Variants in DENND1A observed in about 807,000 individuals in gnomAD.
DENND1A encodes DENN domain containing 1A.
A neutral mutation model predicts 113.7 loss-of-function variants in DENND1A; 51 were observed. The ratio of observed to expected loss-of-function variants is 0.45; its 90% CI spans 0.36 to 0.57. DENND1A has a LOEUF of 0.57. DENND1A is among the 20% of genes least tolerant of loss of function. DENND1A has a pLI of 0.00. For synonymous variants in DENND1A, 565 were observed against 570.8 expected (o/e 0.99, Z 0.14); for missense variants, 1,258 against 1,395.9 (o/e 0.90, Z 1.57).
chr9:123,863,597 T>TAAA (rs767437542), intron 2 of DENND1A, among the ~76,000 whole-genome samples: 1 of 138,912 alleles, frequency 7.2e-6, no homozygotes, highest in African/African-American at 2.6e-5. Flanking sequence ...TCTAACAAGT[T>TAAA]AAAAAAAAAA....
At chr9:123,570,662 T>TG (rs1274040721) in intron 12 of DENND1A, among the ~76,000 whole-genome samples, 1 of 152,152 alleles carries the variant, frequency 6.6e-6, no homozygotes, top group Non-Finnish European at 1.5e-5. Context: ...ACATAGTAGG[T>TG]GCTCAGGAAA....
intron 2 of DENND1A, among the ~76,000 whole-genome samples, chr9:123,813,947 CTG>C (rs1452981917): frequency 6.6e-6 from 1 of 152,158 alleles, no homozygotes; most frequent in African/African-American, 2.4e-5. Flanking sequence ...AAATGCCTAA[CTG>C]ATACTACTGC....
intron 3 of DENND1A, among the ~76,000 whole-genome samples, chr9:123,775,539 A>ACGG (rs1258350009): frequency 6.6e-6 from 1 of 152,150 alleles, no homozygotes; most frequent in Non-Finnish European, 1.5e-5. Flanking sequence ...GAAAAAAAAA[A>ACGG]GAGCACTGAT....
chr9:123,532,340 A>C (rs750363178), intron 13 of DENND1A, among the ~76,000 whole-genome samples: 11 of 152,254 alleles, frequency 7.2e-5, no homozygotes, highest in Admixed American at 5.2e-4. Flanking sequence ...CAACTGTCCC[A>C]ATAATGACTT....
intron 13 of DENND1A, among the ~76,000 whole-genome samples, chr9:123,546,383 C>A (rs1217293048): frequency 2.0e-5 from 3 of 148,126 alleles, no homozygotes; most frequent in Non-Finnish European, 3.0e-5. Context: ...CCCGTCTCTA[C>A]TAAAAATACA....
At chr9:123,393,721 T>C (rs1456360324) in intron 21 of DENND1A, among the ~76,000 whole-genome samples, 2 of 152,126 alleles carry the variant, frequency 1.3e-5, no homozygotes, top group East Asian at 1.9e-4. Context: ...CTACTGTACA[T>C]AGGAACCTGT....
chr9:123,538,145 G>C (rs1281424195), intron 13 of DENND1A, among the ~76,000 whole-genome samples: 1 of 152,174 alleles, frequency 6.6e-6, no homozygotes, highest in African/African-American at 2.4e-5. Context: ...ATTATTTTTG[G>C]AGATTATGAA....
At chr9:123,772,054 T>G (rs1829812176) in intron 3 of DENND1A, among the ~76,000 whole-genome samples, 1 of 152,150 alleles carries the variant, frequency 6.6e-6, no homozygotes, top group African/African-American at 2.4e-5. Flanking sequence ...TATTCACATA[T>G]TATCGCAATT....
At chr9:123,577,139 T>C (rs889164250) in intron 12 of DENND1A, among the ~76,000 whole-genome samples, 4 of 152,186 alleles carry the variant, frequency 2.6e-5, no homozygotes, top group Non-Finnish European at 4.4e-5. Flanking sequence ...TATTATGCTA[T>C]AGGATCACTG....
intron 21 of DENND1A, chr9:123,400,976 C>T (rs1384558702): frequency 6.6e-6 from 1 of 152,214 alleles, no homozygotes; most frequent in Non-Finnish European, 1.5e-5. Flanking sequence ...TTCCCAAGCA[C>T]TTTGATATTC....
At chr9:123,860,386 AT>A (rs1390365053) in intron 2 of DENND1A, among the ~76,000 whole-genome samples, 1 of 152,170 alleles carries the variant, frequency 6.6e-6, no homozygotes, top group Admixed American at 6.5e-5. Context: ...AATCTGAATG[AT>A]TCCCAGTAAT....
At chr9:123,458,593 T>C (rs2048313819) in intron 13 of DENND1A, among the ~76,000 whole-genome samples, 1 of 152,182 alleles carries the variant, frequency 6.6e-6, no homozygotes, top group African/African-American at 2.4e-5. Flanking sequence ...CCCTCCAATG[T>C]GAAGATTTCT....
intron 13 of DENND1A, among the ~76,000 whole-genome samples, chr9:123,534,908 C>G (rs1052339551): frequency 6.6e-6 from 1 of 152,122 alleles, no homozygotes; most frequent in African/African-American, 2.4e-5. Context: ...TTTTTTCCCC[C>G]CCTTCACTTG....
intron 1 of DENND1A, among the ~76,000 whole-genome samples, chr9:123,899,719 T>G (rs1329355882): frequency 6.6e-6 from 1 of 152,230 alleles, no homozygotes; most frequent in Non-Finnish European, 1.5e-5. Context: ...ATTTGCAACT[T>G]ATATTCCTGC....
chr9:123,621,806 G>A (rs1428604861), intron 10 of DENND1A, among the ~76,000 whole-genome samples: 6 of 152,160 alleles, frequency 3.9e-5, no homozygotes, highest in South Asian at 2.1e-4. Flanking sequence ...TCATGGCACC[G>A]ATGAAGACAG....
Position 123,671,391 on chromosome 9 carries a change from T to G in DENND1A, c.373-20A>C, listed in dbSNP as rs572745728. On this transcript the variant is annotated intron_variant, in intron 6 of 23. Transcript: ENST00000394215. ...ATTTTCCTGAAAGAAATAAAAGGCC[T>G]AAGTAACAAAAGCAAGGCTGAGCCC... 20 of 1,612,912 alleles carry G rather than the reference T, an allele frequency of 1.2e-5. No individual in the cohort carries two copies. The highest frequency in any genetic ancestry group is 1.7e-5 in the Non-Finnish European group (20 of 1,179,546).
At chr9:123,729,463 T>C (rs1313352607) in intron 5 of DENND1A, among the ~76,000 whole-genome samples, 1 of 152,080 alleles carries the variant, frequency 6.6e-6, no homozygotes, top group Non-Finnish European at 1.5e-5. Flanking sequence ...TATATACCAA[T>C]AATGGACAAA....
chr9:123,602,306 T>A (rs1012926499), intron 11 of DENND1A, among the ~76,000 whole-genome samples: 1 of 152,262 alleles, frequency 6.6e-6, no homozygotes, highest in African/African-American at 2.4e-5. Flanking sequence ...ACAACAATTA[T>A]ACAAATATTA....
intron 2 of DENND1A, among the ~76,000 whole-genome samples, chr9:123,817,230 T>C (rs1209072515): frequency 6.6e-6 from 1 of 152,156 alleles, no homozygotes; most frequent in African/African-American, 2.4e-5. Flanking sequence ...TCAGAGATTA[T>C]TACCTTCCCT....
Sources: gnomAD v4.1 joint callset for allele counts (sites outside exome capture counted in the v4.1 genomes callset) on GRCh38, gnomAD v4.1.1 for gene constraint, MANE v1.5 for transcripts, NCBI Gene and HGNC (gene_info 2026-07-23, HGNC 2026-07-21) for gene names.